The following ARHGAP5 variants were observed in gnomAD, a reference collection of about 807,000 sequenced individuals.
ARHGAP5 encodes Rho GTPase activating protein 5, also known as rho GTPase-activating protein 5.
Under a neutral mutation model 116.6 loss-of-function variants are expected in ARHGAP5, and 23 were observed. That is an observed-to-expected ratio of 0.20 (90% CI 0.14 to 0.28). The LOEUF (loss-of-function observed/expected upper bound fraction) is 0.28. Ranked by LOEUF, ARHGAP5 falls within the 10% of genes least tolerant of loss-of-function variation. ARHGAP5 has a pLI of 1.00. For synonymous variants in ARHGAP5, 574 were observed against 602.0 expected, an observed-to-expected ratio of 0.95 and a Z score of 0.68; for missense variants, 1,405 against 1,774.8, an observed-to-expected ratio of 0.79 and a Z score of 3.74.
intron 2 of ARHGAP5, among the ~76,000 whole-genome samples, chr14:32,112,263 A>T (rs1879345178): frequency 6.6e-6 from 1 of 151,982 alleles, no homozygotes; most frequent in African/African-American, 2.4e-5. Flanking sequence ...GAAGCATTTG[A>T]GGTGTTTGGT....
At chr14:32,098,812 C>T (rs759288782) in intron 2 of ARHGAP5, among the ~76,000 whole-genome samples, 4 of 152,132 alleles carry the variant, frequency 2.6e-5, no homozygotes, top group Admixed American at 1.3e-4. Flanking sequence ...TAAGGAGAGA[C>T]GAGAATGCAG....
At chr14:32,147,658 G>A (rs1371297375) in intron 4 of ARHGAP5, among the ~76,000 whole-genome samples, 1 of 151,960 alleles carries the variant, frequency 6.6e-6, no homozygotes, top group East Asian at 1.9e-4. Flanking sequence ...AGTATTGTAA[G>A]TTTTTTTTAA....
chr14:32,118,214 G>A lies in ARHGAP5; in HGVS notation c.3865+927G>A, dbSNP rs571409589. Among the ~76,000 whole-genome samples, 95 of 152,198 alleles carry A rather than the reference G, an allele frequency of 6.2e-4. 1 individual carries two copies. Among genetic ancestry groups the A allele is most frequent in the African/African-American group, 1.7e-3 (72 of 41,546 alleles). On this transcript the variant is annotated intron_variant, in intron 3 of 6. Coordinates refer to ENST00000345122, the MANE Select transcript of ARHGAP5 (RefSeq NM_001030055.2). ...GTTGACACTTTCAGTCTTAATGAGA[G>A]GGTAGAATGTGCAGTGGCTCATGCC...
chr14:32,126,219 T>TG (rs1880145594), intron 3 of ARHGAP5, among the ~76,000 whole-genome samples: 3 of 141,580 alleles, frequency 2.1e-5, no homozygotes, highest in African/African-American at 5.6e-5. Context: ...ATATCAGCTG[T>TG]GGGTTTTTTT....
chr14:32,153,406 C>CA lies in ARHGAP5; in HGVS notation c.4181+918dup, dbSNP rs771660350. On this transcript the variant is annotated intron_variant, in intron 6 of 6. Coordinates refer to ENST00000345122, the MANE Select transcript of ARHGAP5 (RefSeq NM_001030055.2). ...TGGCCAACAGAGCAAGACTCTGTCTCAAAAAAAAAAAAAAAAAAAAAAAAA... is the reference window on the plus strand; with the variant it reads ...TGGCCAACAGAGCAAGACTCTGTCTCAAAAAAAAAAAAAAAAAAAAAAAAAA... Among the ~76,000 whole-genome samples, 70 of 15,154 alleles carry CA rather than the reference C, an allele frequency of 4.6e-3. 15 individuals carry two copies. The highest frequency in any genetic ancestry group is 0.1 in the Middle Eastern group (1 of 10). The allele number at this position is 15,154 out of a possible 152,430, so 9.9% of individuals were successfully genotyped here.
Position 32,092,682 on chromosome 14 carries a change from T to C in ARHGAP5, c.2013T>C (p.Ile671=). 1 of 1,613,956 alleles carries C rather than the reference T, an allele frequency of 6.2e-7. No homozygotes were observed. The highest frequency in any genetic ancestry group is 8.5e-7 in the Non-Finnish European group (1 of 1,179,896). The change falls in exon 2 of 7, where the codon ATT becomes ATC. Residue 671 remains isoleucine (I), a synonymous_variant. Transcript: ENST00000345122. This position sits in a 1 kb window ranked among gnomAD's most constrained non-coding sequence, Gnocchi z 4.1. ...VFNSIESLSF[I]GEFIGKIRTE... ...ATTCCATTGAGTCATTGAGTTTTAT[T>C]GGGGAATTTATTGGGAAAATAAGAA... is the stretch of plus-strand genomic sequence containing the variant.
intron 2 of ARHGAP5, among the ~76,000 whole-genome samples, chr14:32,116,784 G>A (rs1433902647): frequency 6.6e-6 from 1 of 152,138 alleles, no homozygotes; most frequent in Non-Finnish European, 1.5e-5. Flanking sequence ...TGCTTCAAGA[G>A]ACCAAATGAA....
At chr14:32,096,786 T>A (rs1351428049) in intron 2 of ARHGAP5, among the ~76,000 whole-genome samples, 1 of 152,232 alleles carries the variant, frequency 6.6e-6, no homozygotes, top group Non-Finnish European at 1.5e-5. Flanking sequence ...GAATACATTC[T>A]TAGGTTTATT....
At chr14:32,150,563 G>A (rs1343010670) in intron 5 of ARHGAP5, among the ~76,000 whole-genome samples, 1 of 152,176 alleles carries the variant, frequency 6.6e-6, no homozygotes, top group East Asian at 1.9e-4. Context: ...AGCACACTCA[G>A]AGAGTAAGAG....
intron 3 of ARHGAP5, among the ~76,000 whole-genome samples, chr14:32,125,261 C>T (rs1411435727): frequency 6.6e-6 from 1 of 152,200 alleles, no homozygotes; most frequent in Non-Finnish European, 1.5e-5. Context: ...TAGAATCACA[C>T]AATGTATGAC....
rs1880594468 is a variant in ARHGAP5 at position 32,133,117 on chromosome 14, G to A, written c.3866-13146G>A. Among the ~76,000 whole-genome samples, 9 of 152,220 alleles carry A rather than the reference G, an allele frequency of 5.9e-5. No individual in the cohort carries two copies. In the South Asian group the frequency reaches 1.9e-3, roughly 32 times the overall value. ...CTTTAAAGTAGTTTTTTCCAATTCT[G>A]TGAAGAAAGTCATTGGTAGCTTGAT... is the stretch of plus-strand genomic sequence containing the variant. On this transcript the variant is annotated intron_variant, in intron 3 of 6. Transcript: ENST00000345122.
At position 32,158,319 on chromosome 14, in the gene ARHGAP5, A is replaced by G. The variant is rs565738953; in HGVS notation, c.*3371A>G. ...TTCAAAATTTTTTCTGGGGATGTAT[A>G]TAGGTGAAAATTTGATTTTTTAAAT... is the stretch of plus-strand genomic sequence containing the variant. On this transcript the variant is annotated 3_prime_UTR_variant, in exon 7 of 7. Transcript: ENST00000345122. 2 of 152,066 alleles carry G rather than the reference A, an allele frequency of 1.3e-5. No individual in the cohort carries two copies. Among genetic ancestry groups the G allele is most frequent in the African/African-American group, 4.8e-5 (2 of 41,564 alleles). The allele number at this position is 152,066 out of a possible 1,614,324, so 9.4% of individuals were successfully genotyped here.
intron 2 of ARHGAP5, among the ~76,000 whole-genome samples, chr14:32,107,162 T>A (rs1277939394): frequency 6.6e-6 from 1 of 152,234 alleles, no homozygotes; most frequent in African/African-American, 2.4e-5. Flanking sequence ...CAAACTAACA[T>A]GCTATGCACA....
rs568824351 is a variant in ARHGAP5 at position 32,123,842 on chromosome 14, A to G, written c.3865+6555A>G. 2.6e-5 allele frequency among the ~76,000 whole-genome samples: 4 copies of G among 152,264 alleles called. No individual in the cohort carries two copies. In the South Asian group the frequency reaches 8.3e-4, roughly 32 times the overall value. On this transcript the variant is annotated intron_variant, in intron 3 of 6. Coordinates refer to ENST00000345122, the MANE Select transcript of ARHGAP5 (RefSeq NM_001030055.2). ...GTATGGCAGATCTAGAGCAGCCTTT[A>G]TTCTGATACTTGTTTATACCTACAA... is the stretch of plus-strand genomic sequence containing the variant.
rs990102012 is a variant in ARHGAP5, at chr14:32,103,056, A to C, written c.3717+8670A>C. 2.0e-5 allele frequency among the ~76,000 whole-genome samples: 3 copies of C among 152,352 alleles called. No homozygotes were observed. The South Asian group carries it at 6.2e-4, about 32-fold the overall frequency. Reference sequence around the variant, plus strand: ...GAAAGAATTTACTTAGGCTTTCTTCAGTACCATTTCTATTGCTTTCTTCCT... The same window carrying C: ...GAAAGAATTTACTTAGGCTTTCTTCCGTACCATTTCTATTGCTTTCTTCCT... On this transcript the variant is annotated intron_variant, in intron 2 of 6. Coordinates refer to ENST00000345122, the MANE Select transcript of ARHGAP5 (RefSeq NM_001030055.2).
At chr14:32,154,598 G>GTT (rs71256104) in intron 6 of ARHGAP5, 23 bp from the exon 7 acceptor site, 1 of 1,536,670 alleles carries the variant, frequency 6.5e-7, no homozygotes, top group Non-Finnish European at 8.9e-7. Context: ...ATTTCTAAAT[G>GTT]TTTTTTCCTT....
intron 2 of ARHGAP5, among the ~76,000 whole-genome samples, chr14:32,114,621 C>T (rs1208479171): frequency 2.0e-5 from 3 of 152,158 alleles, no homozygotes; most frequent in Non-Finnish European, 2.9e-5. Flanking sequence ...TTAATCTGCA[C>T]TTAACAGAGT....
chr14:32,134,121 A>G (rs1158412930), intron 3 of ARHGAP5, among the ~76,000 whole-genome samples: 1 of 152,152 alleles, frequency 6.6e-6, no homozygotes, highest in Non-Finnish European at 1.5e-5. Flanking sequence ...AAGCTTATCC[A>G]CCATGATCAA....
At chr14:32,089,028 A>G (rs1342013270) in intron 1 of ARHGAP5, among the ~76,000 whole-genome samples, 1 of 152,008 alleles carries the variant, frequency 6.6e-6, no homozygotes, top group Non-Finnish European at 1.5e-5. Context: ...AATATTTATT[A>G]CAAAAGTGAA....
Sources: allele counts gnomAD v4.1 joint callset (sites outside exome capture counted in the v4.1 genomes callset), GRCh38; gene constraint gnomAD v4.1.1; non-coding constraint Gnocchi (gnomAD v3.1); transcripts MANE v1.5; gene names NCBI Gene and HGNC (gene_info 2026-07-23, HGNC 2026-07-21).